TRIM45: variants seen among roughly 807,000 people sequenced by gnomAD.
TRIM45 encodes the protein E3 ubiquitin-protein ligase TRIM45.
A neutral mutation model predicts 46.7 loss-of-function variants in TRIM45; 45 were observed. The observed-to-expected ratio is 0.96, with a 90% confidence interval of 0.76 to 1.24. The LOEUF (loss-of-function observed/expected upper bound fraction) is 1.24. TRIM45 is among the 50% of genes most tolerant of loss of function. The pLI, the probability that TRIM45 is intolerant of heterozygous loss-of-function variation, is 0.00. For missense variants in TRIM45, 680 were observed against 728.4 expected, an observed-to-expected ratio of 0.93 and a Z score of 0.77; for synonymous variants, 259 against 285.8, an observed-to-expected ratio of 0.91 and a Z score of 0.94.
upstream of TRIM45, among the ~76,000 whole-genome samples, chr1:117,123,796 A>AT (rs1650757294): frequency 2.0e-5 from 3 of 151,988 alleles, 1 homozygote; most frequent in South Asian, 6.2e-4. Flanking sequence ...CACCTGGCTA[A>AT]TTTTTTGTAT....
upstream of TRIM45, among the ~76,000 whole-genome samples, chr1:117,123,492 ATATTG>A (rs1650742351): frequency 6.6e-6 from 1 of 152,048 alleles, no homozygotes; most frequent in Non-Finnish European, 1.5e-5. Context: ...ACCTTTAACA[ATATTG>A]TAAGGAAATG....
Position 117,121,354 on chromosome 1 carries a change from G to A in TRIM45, c.-153C>T, listed in dbSNP as rs573435429. The stretch of plus-strand genomic sequence containing the variant: ...TGACAAATAAAAGGGCAGACGGGAA[G>A]ACGAGGCGTCCTCGAAGGAATCACC... On this transcript the variant is annotated 5_prime_UTR_variant, in exon 1 of 6. Transcript: ENST00000256649. The surrounding 1 kb of genome is among the most constrained non-coding windows in gnomAD (Gnocchi z 4.2). 1.9e-5 allele frequency: 17 copies of A among 892,620 alleles called. No homozygotes were observed. The highest frequency in any genetic ancestry group is 1.7e-4 in the African/African-American group (10 of 60,086). The allele number at this position is 892,620 out of a possible 1,614,324, so 55.3% of individuals were successfully genotyped here.
In TRIM45 at chr1:117,118,113, G is replaced by A; in HGVS notation, c.1143C>T (p.Gly381=). 2 of 1,614,124 alleles carry A rather than the reference G, an allele frequency of 1.2e-6. No homozygotes were observed. The highest frequency in any genetic ancestry group is 1.7e-6 in the Non-Finnish European group (2 of 1,180,026). The change falls in exon 2 of 6, where the codon GGC becomes GGT. Residue 381 remains glycine, a synonymous_variant. Transcript: ENST00000256649. This position sits in a 1 kb window ranked among gnomAD's most constrained non-coding sequence, Gnocchi z 5.7. ...KIRFCPQEKA[G]QCRGYEIYGT... is the part of the protein sequence containing the mutation. ...CATAAATTTCATAGCCACGGCACTG[G>A]CCTGCTTTCTCCTGAGGACAGAAGC...
In TRIM45 at chr1:117,116,819, C is replaced by T. The variant is rs565294220; in HGVS notation, c.1223-74G>A. On this transcript the variant is annotated intron_variant, in intron 2 of 5. Transcript: ENST00000256649. The surrounding 1 kb of genome is among the most constrained non-coding windows in gnomAD (Gnocchi z 4.6). ...ACTACATCTCCATCTTGCTTTTTCT[C>T]TTCAGAACAAAGGGTTGTACTTTAC... The T allele has an allele frequency of 5.5e-5, 88 of 1,595,192 alleles. No homozygotes were observed. The highest frequency in any genetic ancestry group is 4.7e-5 in the Non-Finnish European group (55 of 1,167,810).
In TRIM45 at chr1:117,118,690, A is replaced by T. The variant is rs36008981; in HGVS notation, c.566T>A (p.Ile189Asn). ...LKGYSRIGKP[I>N]LCPVHPAEEL... ...CTCTGCAGGGTGAACAGGACACAGG[A>T]TGGGCTTCCCAATCCGGCTGTAGCC... Residue 189 changes from isoleucine (I) to asparagine (N), a missense_variant, in exon 2 of 6, where the codon ATC (isoleucine) becomes AAC (asparagine). Ile to Asn is a moderately radical substitution (Grantham distance 149). This residue lies in a region of TRIM45 where 349 missense variants were observed against 343.6 expected (regional missense o/e 1.02). Transcript: ENST00000256649. This position sits in a 1 kb window ranked among gnomAD's most constrained non-coding sequence, Gnocchi z 5.7. The T allele has an allele frequency of 2.0e-3, 3,268 of 1,613,836 alleles. 61 individuals are homozygous for T. The African/African-American group carries it at 0.039, about 19-fold the overall frequency.
chr1:117,120,693 G>T (rs762151291), intron 1 of TRIM45, 21 bp downstream of exon 1: 1 of 1,581,180 alleles, frequency 6.3e-7, no homozygotes, highest in Non-Finnish European at 8.6e-7. Context: ...AGCTACACCT[G>T]ATGGAGTGTC....
chr1:117,122,025 A>C (rs1220617022), upstream of TRIM45: 1 of 541,068 alleles, frequency 1.8e-6, no homozygotes, highest in African/African-American at 2.0e-5. Context: ...TCACCGTTTC[A>C]CAGGGACTGT....
Position 117,121,378 on chromosome 1 carries a change from C to T in TRIM45, c.-177G>A, listed in dbSNP as rs1460718441. ...AGACGAGGCGTCCTCGAAGGAATCA[C>T]CCACAGATCTACTCAGGAGGGCCCC... On this transcript the variant is annotated 5_prime_UTR_variant, in exon 1 of 6. It adds an upstream start codon to the 5' untranslated region. Coordinates refer to ENST00000256649, the MANE Select transcript of TRIM45 (RefSeq NM_025188.4). This position sits in a 1 kb window ranked among gnomAD's most constrained non-coding sequence, Gnocchi z 4.2. The T allele has an allele frequency of 1.4e-6, 1 of 699,412 alleles. No homozygotes were observed. The highest frequency in any genetic ancestry group is 2.3e-6 in the Non-Finnish European group (1 of 432,242). 43.3% of individuals were successfully genotyped at this position (699,412 alleles called of 1,614,324 possible). A position where few individuals can be genotyped will look rare whatever the true frequency, so the allele number is the denominator to read the frequency against.
upstream of TRIM45, chr1:117,122,328 C>G (rs1366448317): frequency 6.5e-6 from 1 of 152,804 alleles, no homozygotes; most frequent in Non-Finnish European, 1.5e-5. Flanking sequence ...GTCCCTCAGG[C>G]CTAGCGTGCT....
Position 117,117,004 on chromosome 1 carries a change from A to G in TRIM45, c.1223-259T>C, listed in dbSNP as rs1327807887. ...CTTCAGTCCTAGGACTGAAGGTCCTATGCTTTAAAAATACTCACGACTGAC... is the reference window on the plus strand; with the variant it reads ...CTTCAGTCCTAGGACTGAAGGTCCTGTGCTTTAAAAATACTCACGACTGAC... On this transcript the variant is annotated intron_variant, in intron 2 of 5. Coordinates refer to ENST00000256649, the MANE Select transcript of TRIM45 (RefSeq NM_025188.4). The surrounding 1 kb of genome is among the most constrained non-coding windows in gnomAD (Gnocchi z 4.9). Among the ~76,000 whole-genome samples, 1 of 151,990 alleles carries G rather than the reference A, an allele frequency of 6.6e-6. No individual in the cohort carries two copies. Among genetic ancestry groups the G allele is most frequent in the Non-Finnish European group, 1.5e-5 (1 of 68,002 alleles).
chr1:117,120,582 T>C, intron 1 of TRIM45, 132 bp downstream of exon 1: 1 of 1,304,032 alleles, frequency 7.7e-7, no homozygotes, highest in East Asian at 2.3e-5. Context: ...GCTATTGCAT[T>C]GTTATATTGC....
upstream of TRIM45, among the ~76,000 whole-genome samples, chr1:117,123,520 T>G (rs1232886209): frequency 6.6e-6 from 1 of 152,170 alleles, no homozygotes; most frequent in Non-Finnish European, 1.5e-5. Flanking sequence ...CTCAAAGAGG[T>G]CTTGCCAGGT....
At chr1:117,123,497 G>C (rs1030933401), upstream of TRIM45, among the ~76,000 whole-genome samples, 2 of 151,998 alleles carry the variant, frequency 1.3e-5, no homozygotes, top group African/African-American at 4.8e-5. Context: ...TAACAATATT[G>C]TAAGGAAATG....
At chr1:117,112,497 TG>T (rs769215369) in intron 5 of TRIM45, 44 bp from the exon 6 acceptor site, 1 of 1,556,252 alleles carries the variant, frequency 6.4e-7, no homozygotes, top group South Asian at 1.2e-5. Context: ...ACCATTAGCG[TG>T]GAGGCCAGCA....
rs1196733563 is a variant in TRIM45 at position 117,113,324 on chromosome 1, G to A, written c.1594+35C>T. ...GCCCGTCGCTTGATTCCCACTGCTG[G>A]CAGAAAGGCCCAGAGGGTAGTGCTT... On this transcript the variant is annotated intron_variant, in intron 5 of 5. Transcript: ENST00000256649. The surrounding 1 kb of genome is among the most constrained non-coding windows in gnomAD (Gnocchi z 4.0). 2 of 1,606,012 alleles carry A rather than the reference G, an allele frequency of 1.2e-6. No individual in the cohort carries two copies. The highest frequency in any genetic ancestry group is 1.7e-5 in the Admixed American group (1 of 59,544).
At position 117,113,636 on chromosome 1, in the gene TRIM45, C is replaced by A. The variant is rs1042068061; in HGVS notation, c.1468-151G>T. 93 of 1,067,548 alleles carry A rather than the reference C, an allele frequency of 8.7e-5. No individual in the cohort carries two copies. The highest frequency in any genetic ancestry group is 1.2e-4 in the Non-Finnish European group (89 of 763,224). The allele number at this position is 1,067,548 out of a possible 1,614,324, so 66.1% of individuals were successfully genotyped here. On this transcript the variant is annotated intron_variant, in intron 4 of 5. Transcript: ENST00000256649. The surrounding 1 kb of genome is among the most constrained non-coding windows in gnomAD (Gnocchi z 4.0). The stretch of plus-strand genomic sequence containing the variant: ...AAAGAAACAGATTAGAGGACAAGAA[C>A]CCTGCTCAGCTGAGAGGAGGCAGAC...
chr1:117,114,651 T>C (rs899250774), intron 4 of TRIM45, among the ~76,000 whole-genome samples: 5 of 152,274 alleles, frequency 3.3e-5, no homozygotes, highest in Non-Finnish European at 1.5e-5. Flanking sequence ...CCTATTTTGC[T>C]ACATTTGCTG....
rs758234048 is a variant in TRIM45 at position 117,120,998 on chromosome 1, G to A, written c.204C>T (p.Asp68=). ...TTGACCCCTCAGAGCTTGTGTCAGA[G>A]TCTCCCCCTCGGATGTCCACTACTG... The part of the protein sequence containing the change: ...PFSVVDIRGG[D]SDTSSEGSIF... Residue 68 remains aspartate, a synonymous_variant, in exon 1 of 6, where the codon GAC becomes GAT. Transcript: ENST00000256649. The A allele has an allele frequency of 1.2e-6, 2 of 1,614,172 alleles. No homozygotes were observed. Among genetic ancestry groups the A allele is most frequent in the South Asian group, 2.2e-5 (2 of 91,080 alleles).
At chr1:117,119,886 A>G (rs1650554837) in intron 1 of TRIM45, among the ~76,000 whole-genome samples, 1 of 152,260 alleles carries the variant, frequency 6.6e-6, no homozygotes, top group South Asian at 2.1e-4. Flanking sequence ...AGTTAAAAAT[A>G]GAGTGAAGTC....
Sources: allele counts gnomAD v4.1 joint callset (sites outside exome capture counted in the v4.1 genomes callset), GRCh38; gene constraint gnomAD v4.1.1; regional missense constraint gnomAD v4.1.1; non-coding constraint Gnocchi (gnomAD v3.1); transcripts MANE v1.5; gene names NCBI Gene and HGNC (gene_info 2026-07-23, HGNC 2026-07-21).